Variants in STXBP3 observed in about 807,000 individuals in gnomAD.
The protein encoded by STXBP3 is syntaxin binding protein 3, also known as syntaxin-binding protein 3.
A neutral mutation model predicts 85.7 loss-of-function variants in STXBP3; 41 were observed. The observed-to-expected ratio is 0.48, with a 90% CI of 0.37 to 0.62. The LOEUF is 0.62. STXBP3 is among the 20% of genes least tolerant of loss of function. The probability of loss-of-function intolerance (pLI) is 0.00; values close to 1 mark genes in which losing one functional copy is unlikely to be tolerated. For synonymous variants in STXBP3, 229 were observed against 231.7 expected (o/e 0.99, Z 0.10); for missense variants, 563 against 703.1 (o/e 0.80, Z 2.25).
chr1:108,767,031 A>G (rs1662278002), intron 6 of STXBP3: 20 of 457,080 alleles, frequency 4.4e-5, no homozygotes, highest in South Asian at 3.3e-4. Context: ...ACCAACCATC[A>G]CACAGTCCAC....
intron 18 of STXBP3, 44 bp downstream of exon 18, chr1:108,807,593 T>G: frequency 2.0e-6 from 3 of 1,484,022 alleles, no homozygotes; most frequent in Non-Finnish European, 1.8e-6. Context: ...TTTTTTTTTT[T>G]GAGACTAAGT....
chr1:108,761,615 T>C (rs1174236024), intron 6 of STXBP3, among the ~76,000 whole-genome samples: 1 of 152,192 alleles, frequency 6.6e-6, no homozygotes, highest in Non-Finnish European at 1.5e-5. Flanking sequence ...TAAGGTCCCA[T>C]CTGTGAATGG....
intron 8 of STXBP3, among the ~76,000 whole-genome samples, chr1:108,777,492 G>T (rs572500626): frequency 1.3e-5 from 2 of 152,056 alleles, no homozygotes; most frequent in African/African-American, 2.4e-5. Flanking sequence ...CCTGTTTTTG[G>T]TTTAGAGGCC....
At chr1:108,792,701 G>T (rs1663003135) in intron 11 of STXBP3, among the ~76,000 whole-genome samples, 2 of 152,174 alleles carry the variant, frequency 1.3e-5, no homozygotes, top group African/African-American at 4.8e-5. Context: ...AGACATGGTG[G>T]ATGATACATT....
At chr1:108,765,236 G>A (rs1662234554) in intron 6 of STXBP3, among the ~76,000 whole-genome samples, 1 of 152,182 alleles carries the variant, frequency 6.6e-6, no homozygotes, top group Non-Finnish European at 1.5e-5. Context: ...TGATCTGAGT[G>A]TCTGTTTTTG....
intron 15 of STXBP3, among the ~76,000 whole-genome samples, chr1:108,797,864 T>C (rs1261236555): frequency 1.3e-5 from 2 of 152,116 alleles, no homozygotes; most frequent in African/African-American, 2.4e-5. Context: ...GCCTCCCTAG[T>C]AGCTGGGACT....
chr1:108,781,086 T>C (rs1453617707), intron 9 of STXBP3: 1 of 152,206 alleles, frequency 6.6e-6, no homozygotes, highest in Non-Finnish European at 1.5e-5. Context: ...GGCTTGTTAC[T>C]CTTATCTCTG....
chr1:108,779,449 A>C (rs768211692), intron 9 of STXBP3, 39 bp downstream of exon 9: 2 of 1,578,346 alleles, frequency 1.3e-6, no homozygotes, highest in South Asian at 2.4e-5. Flanking sequence ...GGCATATACA[A>C]ACAGGATAGA....
rs780012170 is a variant in STXBP3 at position 108,794,812 on chromosome 1, T to C, written c.1030-15T>C. On this transcript the variant is annotated splice_polypyrimidine_tract_variant and intron_variant, in intron 12 of 18. Transcript: ENST00000370008. ...ATTAAAATCCTTTAAATGATTGATT[T>C]CTTCTGTTTTTCAGCAAGTTGTCCA... The C allele has an allele frequency of 3.1e-6, 5 of 1,604,324 alleles. No homozygotes were observed. Among genetic ancestry groups the C allele is most frequent in the African/African-American group, 1.3e-5 (1 of 74,868 alleles).
intron 17 of STXBP3, among the ~76,000 whole-genome samples, chr1:108,806,516 C>G (rs1479108374): frequency 6.6e-6 from 1 of 152,042 alleles, no homozygotes; most frequent in Non-Finnish European, 1.5e-5. Context: ...TTCATTTCAT[C>G]CTTGTAACAG....
At chr1:108,778,396 C>T (rs1425785272) in intron 8 of STXBP3, among the ~76,000 whole-genome samples, 1 of 152,096 alleles carries the variant, frequency 6.6e-6, no homozygotes, top group Non-Finnish European at 1.5e-5. Flanking sequence ...GATAACAAGG[C>T]TTTCATTGTG....
intron 8 of STXBP3, among the ~76,000 whole-genome samples, chr1:108,777,971 A>G (rs1324525542): frequency 6.6e-6 from 1 of 152,162 alleles, no homozygotes; most frequent in Non-Finnish European, 1.5e-5. Context: ...CTTATAAGGC[A>G]AAGATTCCAT....
In STXBP3 at chr1:108,765,573, T is replaced by TA. The variant is rs1662243822; in HGVS notation, c.438+5488_438+5489insA. Among the ~76,000 whole-genome samples, 2 of 72,462 alleles carry TA rather than the reference T, an allele frequency of 2.8e-5. 1 individual carries two copies. The highest frequency in any genetic ancestry group is 8.8e-4 in the South Asian group (2 of 2,276). The allele number at this position is 72,462 out of a possible 152,430, so 47.5% of individuals were successfully genotyped here. ...TGGTAAAAAGCACCACATGCTAATTTTTTTTTTTTTTTTTTTTTTGAGACG... is the reference window on the plus strand; with the variant it reads ...TGGTAAAAAGCACCACATGCTAATTTATTTTTTTTTTTTTTTTTTTGAGACG... On this transcript the variant is annotated intron_variant, in intron 6 of 18. Coordinates refer to ENST00000370008, the MANE Select transcript of STXBP3 (RefSeq NM_007269.4).
chr1:108,796,709 G>A lies in STXBP3; in HGVS notation c.1339G>A (p.Val447Ile), dbSNP rs1663111627. The A allele has an allele frequency of 6.2e-7, 1 of 1,613,096 alleles. No homozygotes were observed. The highest frequency in any genetic ancestry group is 8.5e-7 in the Non-Finnish European group (1 of 1,179,584). Residue 447 changes from valine to isoleucine, a missense_variant, in exon 15 of 19, where the codon GTT becomes ATT. By Grantham distance (29) the Val-to-Ile change is conservative. This residue lies in a region of STXBP3 where 494 missense variants were observed against 592.8 expected (regional missense o/e 0.83). Transcript: ENST00000370008. ...GATTCGTAACTGGAGTTACCTTGGT[G>A]TTCCCATTGTTCCCCAAGTAAGAAG... ...DMIRNWSYLGVPIVPQSQQGK... is the reference protein window; with the variant it reads ...DMIRNWSYLGIPIVPQSQQGK...
At chr1:108,770,433 C>A (rs1468720083) in intron 6 of STXBP3, among the ~76,000 whole-genome samples, 1 of 152,124 alleles carries the variant, frequency 6.6e-6, no homozygotes, top group African/African-American at 2.4e-5. Context: ...GGATATTATA[C>A]TATGAGGAAG....
chr1:108,807,313 T>C (rs1663360879), intron 17 of STXBP3, 88 bp from the exon 18 acceptor site: 3 of 1,343,152 alleles, frequency 2.2e-6, no homozygotes, highest in Non-Finnish European at 2.0e-6. Flanking sequence ...TTGAGTTTGG[T>C]TGAGTTAGGC....
At chr1:108,795,466 C>T (rs917833011) in intron 13 of STXBP3, among the ~76,000 whole-genome samples, 5 of 149,744 alleles carry the variant, frequency 3.3e-5, no homozygotes, top group African/African-American at 1.2e-4. Context: ...AGTTTGAGGG[C>T]AGCCTGGGCA....
chr1:108,761,181 C>T (rs559604985), intron 6 of STXBP3, among the ~76,000 whole-genome samples: 8 of 152,260 alleles, frequency 5.3e-5, no homozygotes, highest in South Asian at 2.1e-4. Context: ...GCTGGGATTA[C>T]GGGTGTGAGC....
chr1:108,752,423 A>C (rs1364769892), intron 2 of STXBP3, 117 bp downstream of exon 2: 1 of 934,954 alleles, frequency 1.1e-6, no homozygotes, highest in Non-Finnish European at 1.6e-6. Flanking sequence ...TAATCTAAAG[A>C]TAATTTGACG....
Sources: gnomAD v4.1 joint callset for allele counts (sites outside exome capture counted in the v4.1 genomes callset) on GRCh38, gnomAD v4.1.1 for gene constraint, gnomAD v4.1.1 regional missense constraint, MANE v1.5 for transcripts, NCBI Gene and HGNC (gene_info 2026-07-23, HGNC 2026-07-21) for gene names.